Variants in CTNNBL1 observed in about 807,000 individuals in gnomAD.
CTNNBL1 encodes the protein beta-catenin-like protein 1.
CTNNBL1 carries 31 observed loss-of-function variants against 72.7 expected under a neutral mutation model. That is an observed-to-expected ratio of 0.43 (90% confidence interval 0.32 to 0.58). CTNNBL1 has a LOEUF of 0.58. Ranked by LOEUF, CTNNBL1 falls within the 20% of genes least tolerant of loss-of-function variation. The pLI is 0.08. For synonymous variants in CTNNBL1, 240 were observed against 267.3 expected (o/e 0.90, Z 1.00); for missense variants, 534 against 725.1 (o/e 0.74, Z 3.03).
At chr20:37,731,784 G>T (rs2073131077) in intron 1 of CTNNBL1, among the ~76,000 whole-genome samples, 1 of 152,134 alleles carries the variant, frequency 6.6e-6, no homozygotes, top group Non-Finnish European at 1.5e-5. Flanking sequence ...GAATTCTATT[G>T]TGTATGTATA....
At chr20:37,847,071 C>T (rs1026024886) in intron 13 of CTNNBL1, among the ~76,000 whole-genome samples, 2 of 152,138 alleles carry the variant, frequency 1.3e-5, no homozygotes, top group Admixed American at 6.5e-5. Flanking sequence ...AGTCACCCTG[C>T]GCTTTCCACA....
chr20:37,737,296 G>A, intron 2 of CTNNBL1, 82 bp from the exon 3 acceptor site: 1 of 914,280 alleles, frequency 1.1e-6, no homozygotes, highest in Non-Finnish European at 1.8e-6. Context: ...GTGAGGTGGG[G>A]TATAAGAGCC....
chr20:37,821,226 C>A lies in CTNNBL1; in HGVS notation c.1213+18178C>A, dbSNP rs180967455. Reference sequence around the variant, plus strand: ...CTGATTTTCCATTTCTGTTCTGAGACTGCTTCCTTTCTTATGCTCCCGACA... The same window carrying A: ...CTGATTTTCCATTTCTGTTCTGAGAATGCTTCCTTTCTTATGCTCCCGACA... On this transcript the variant is annotated intron_variant, in intron 11 of 15. Coordinates refer to ENST00000361383, the MANE Select transcript of CTNNBL1 (RefSeq NM_030877.5). 4.7e-4 allele frequency among the ~76,000 whole-genome samples: 71 copies of A among 152,314 alleles called. 1 individual carries two copies. The highest frequency in any genetic ancestry group is 4.4e-3 in the Admixed American group (67 of 15,302).
chr20:37,723,236 G>A (rs1423307647), intron 1 of CTNNBL1, among the ~76,000 whole-genome samples: 1 of 152,182 alleles, frequency 6.6e-6, no homozygotes, highest in Non-Finnish European at 1.5e-5. Flanking sequence ...AGGAAAAATG[G>A]ATTAAGTCTT....
intron 7 of CTNNBL1, among the ~76,000 whole-genome samples, chr20:37,772,014 A>G (rs1051846646): frequency 6.6e-6 from 1 of 152,070 alleles, no homozygotes; most frequent in African/African-American, 2.4e-5. Flanking sequence ...GAGTTGGCCT[A>G]TCTGGGTTCT....
intron 15 of CTNNBL1, among the ~76,000 whole-genome samples, chr20:37,861,427 G>T (rs1423389482): frequency 6.6e-6 from 1 of 152,230 alleles, no homozygotes; most frequent in African/African-American, 2.4e-5. Flanking sequence ...TGGCAGTGGA[G>T]GCCCATGTGG....
At chr20:37,774,069 C>G (rs2073551962) in intron 7 of CTNNBL1, among the ~76,000 whole-genome samples, 1 of 151,908 alleles carries the variant, frequency 6.6e-6, no homozygotes, top group Admixed American at 6.6e-5. Flanking sequence ...CACACCACCA[C>G]ACCCAGCTAA....
intron 3 of CTNNBL1, among the ~76,000 whole-genome samples, chr20:37,738,908 A>C (rs1027172422): frequency 1.3e-5 from 2 of 152,190 alleles, no homozygotes; most frequent in African/African-American, 4.8e-5. Context: ...GTGGTCAACT[A>C]TGTTGTCCCT....
In CTNNBL1 at chr20:37,871,947, C is replaced by G; in HGVS notation, c.1626C>G (p.Asp542Glu). The change falls in exon 16 of 16, where the codon GAC becomes GAG. Residue 542 changes from aspartate (D) to glutamate (E), a missense_variant. Asp to Glu is a conservative substitution (Grantham distance 45). Coordinates refer to ENST00000361383, the MANE Select transcript of CTNNBL1 (RefSeq NM_030877.5). ...IIKEYAENIG[D>E]GRSPEFRENE... The stretch of plus-strand genomic sequence containing the variant: ...TAGAGTATGCAGAGAACATCGGGGA[C>G]GGCCGGAGCCCGGAGTTCCGGGAGA... The G allele has an allele frequency of 6.2e-7, 1 of 1,614,008 alleles. No homozygotes were observed. Among genetic ancestry groups the G allele is most frequent in the East Asian group, 2.2e-5 (1 of 44,870 alleles).
intron 4 of CTNNBL1, among the ~76,000 whole-genome samples, chr20:37,752,496 T>G (rs778167968): frequency 2.0e-5 from 3 of 152,136 alleles, no homozygotes; most frequent in East Asian, 1.9e-4. Context: ...TTTATTTGTC[T>G]TAAGAAAGCC....
At chr20:37,762,401 C>A (rs1236230890) in intron 5 of CTNNBL1, among the ~76,000 whole-genome samples, 1 of 152,126 alleles carries the variant, frequency 6.6e-6, no homozygotes, top group Non-Finnish European at 1.5e-5. Flanking sequence ...TTTTTATTTC[C>A]TCCTCTTCTC....
intron 11 of CTNNBL1, among the ~76,000 whole-genome samples, chr20:37,828,472 T>A (rs972247410): frequency 4.6e-5 from 7 of 152,284 alleles, no homozygotes; most frequent in African/African-American, 1.7e-4. Flanking sequence ...ACTAACTAGG[T>A]CACCTCCTAG....
intron 13 of CTNNBL1, among the ~76,000 whole-genome samples, chr20:37,857,464 C>T (rs947918292): frequency 6.6e-6 from 1 of 152,242 alleles, no homozygotes; most frequent in Non-Finnish European, 1.5e-5. Flanking sequence ...TAACCCTAGA[C>T]CTCTCAGACT....
intron 1 of CTNNBL1, 49 bp downstream of exon 1, chr20:37,694,201 G>T: frequency 6.5e-7 from 1 of 1,527,940 alleles, no homozygotes. Context: ...CCTGGGCAGG[G>T]GTCGCAGGAG....
intron 13 of CTNNBL1, among the ~76,000 whole-genome samples, chr20:37,849,033 C>T (rs1291409120): frequency 2.6e-5 from 4 of 152,222 alleles, no homozygotes; most frequent in Admixed American, 1.3e-4. Context: ...TAGGCATCAT[C>T]TGTTTACTCC....
chr20:37,860,884 TA>T (rs1248048648), intron 15 of CTNNBL1, among the ~76,000 whole-genome samples: 1 of 152,262 alleles, frequency 6.6e-6, no homozygotes, highest in Non-Finnish European at 1.5e-5. Flanking sequence ...TTACTGTGCC[TA>T]ATTTATAAAT....
intron 10 of CTNNBL1, among the ~76,000 whole-genome samples, chr20:37,794,915 C>G (rs961912527): frequency 1.3e-5 from 2 of 151,998 alleles, no homozygotes; most frequent in Non-Finnish European, 2.9e-5. Context: ...CCACTGGCAT[C>G]TGGCTTTCTT....
intron 15 of CTNNBL1, among the ~76,000 whole-genome samples, chr20:37,866,539 G>A (rs540914297): frequency 5.9e-5 from 9 of 152,314 alleles, no homozygotes; most frequent in African/African-American, 2.2e-4. Context: ...GTGCTCGCAT[G>A]GTGGCTGGCA....
intron 10 of CTNNBL1, among the ~76,000 whole-genome samples, chr20:37,786,551 CAT>C (rs144124144): frequency 4.5e-4 from 68 of 150,124 alleles, no homozygotes; most frequent in Admixed American, 8.6e-4. Flanking sequence ...TATGTGTGTA[CAT>C]ATATATATAT....
Sources: gnomAD v4.1 joint callset for allele counts (sites outside exome capture counted in the v4.1 genomes callset) on GRCh38, gnomAD v4.1.1 for gene constraint, MANE v1.5 for transcripts, NCBI Gene and HGNC (gene_info 2026-07-23, HGNC 2026-07-21) for gene names.